Variants in ILDR1 observed in about 807,000 individuals in gnomAD.
ILDR1 encodes the protein immunoglobulin-like domain-containing receptor 1.
In ILDR1, 56 loss-of-function variants were observed where a neutral mutation model predicts 62.4. That is an observed-to-expected ratio of 0.90 (90% CI 0.72 to 1.12). The LOEUF is 1.12. Among genes scored for constraint, ILDR1 ranks in the 50% most tolerant of loss-of-function variants. ILDR1 has a pLI of 0.00. For synonymous variants in ILDR1, 284 were observed against 277.8 expected (o/e 1.02, Z -0.22); for missense variants, 736 against 710.6 (o/e 1.04, Z -0.41).
At chr3:122,035,444 CA>C in the ILDR1 span, among the ~76,000 whole-genome samples, 21 of 151,430 alleles carry the variant, frequency 1.4e-4, no homozygotes, top group African/African-American at 5.1e-4. Context: ...GCCTTTTCCC[CA>C]AAAAAAAGAC....
intron 2 of ILDR1, among the ~76,000 whole-genome samples, chr3:122,006,325 C>T (rs1481256363): frequency 6.6e-6 from 1 of 152,112 alleles, no homozygotes; most frequent in Non-Finnish European, 1.5e-5. Context: ...GTTCTAGGTT[C>T]CTTTGTTCTT....
chr3:121,990,983 C>T (rs1354318485), intron 7 of ILDR1, among the ~76,000 whole-genome samples: 4 of 152,116 alleles, frequency 2.6e-5, no homozygotes, highest in Non-Finnish European at 5.9e-5. Flanking sequence ...GGGCAGATCA[C>T]GAGGTCAAGA....
intron 3 of ILDR1, 90 bp from the exon 4 acceptor site, chr3:122,001,954 C>A: frequency 6.9e-7 from 1 of 1,442,062 alleles, no homozygotes; most frequent in Admixed American, 1.7e-5. Context: ...GGCAGCATGG[C>A]AAGACCTTGT....
At chr3:122,027,400 G>A in the ILDR1 span, among the ~76,000 whole-genome samples, 1 of 152,142 alleles carries the variant, frequency 6.6e-6, no homozygotes, top group African/African-American at 2.4e-5. Context: ...ATGTTGGCCA[G>A]GCTTGTCTTG....
At chr3:122,021,967 A>G (rs569434458) in intron 1 of ILDR1, 53 bp downstream of exon 1, 69 of 1,550,496 alleles carry the variant, frequency 4.5e-5, no homozygotes, top group African/African-American at 1.8e-4. Context: ...CCACGCCACA[A>G]TGGCTTCCTG....
intron 5 of ILDR1, among the ~76,000 whole-genome samples, chr3:121,997,836 A>G (rs1019459667): frequency 1.3e-5 from 2 of 152,182 alleles, no homozygotes; most frequent in Non-Finnish European, 2.9e-5. Context: ...AAAAATGTCT[A>G]TCTTTAAGTC....
the ILDR1 span, among the ~76,000 whole-genome samples, chr3:122,029,395 T>A: frequency 9.0e-3 from 1,367 of 151,882 alleles, 22 homozygotes; most frequent in African/African-American, 0.031. Flanking sequence ...TAATCCCAAC[T>A]ACTCAGGAGG....
the ILDR1 span, among the ~76,000 whole-genome samples, chr3:122,044,780 T>C: frequency 6.6e-6 from 1 of 152,182 alleles, no homozygotes; most frequent in Non-Finnish European, 1.5e-5. Flanking sequence ...TTATCATTTT[T>C]TATTGTGTCT....
chr3:122,039,087 G>A, the ILDR1 span, among the ~76,000 whole-genome samples: 1 of 151,052 alleles, frequency 6.6e-6, no homozygotes, highest in Admixed American at 6.6e-5. Flanking sequence ...ATAAAACACA[G>A]AACCACCAAG....
the ILDR1 span, among the ~76,000 whole-genome samples, chr3:122,049,952 G>C: frequency 6.6e-6 from 1 of 152,172 alleles, no homozygotes; most frequent in East Asian, 1.9e-4. Context: ...CAGAACCTTT[G>C]ACTTCCCAAT....
upstream of ILDR1, among the ~76,000 whole-genome samples, chr3:122,022,628 G>A (rs552822540): frequency 6.6e-6 from 1 of 152,120 alleles, no homozygotes; most frequent in African/African-American, 2.4e-5. Context: ...ATAAAGATTC[G>A]TATCTAGGCC....
the ILDR1 span, among the ~76,000 whole-genome samples, chr3:122,043,384 G>A: frequency 2.9e-5 from 4 of 140,132 alleles, no homozygotes; most frequent in African/African-American, 1.1e-4. Context: ...GCTTAGGATT[G>A]ACTTGGCGAT....
the ILDR1 span, among the ~76,000 whole-genome samples, chr3:122,043,344 T>C: frequency 6.7e-6 from 1 of 148,898 alleles, no homozygotes; most frequent in Non-Finnish European, 1.5e-5. Flanking sequence ...TGAAGTCAGG[T>C]AGTGTGATGC....
At chr3:122,040,737 G>GAAAAAAAAAAAAAA in the ILDR1 span, among the ~76,000 whole-genome samples, 1 of 124,814 alleles carries the variant, frequency 8.0e-6, no homozygotes, top group African/African-American at 2.9e-5. Context: ...AAAAAAAAAA[G>GAAAAAAAAAAAAAA]AAAAAAAAAA....
Position 121,987,343 on chromosome 3 carries a change from T to A in ILDR1, c.*1024A>T, listed in dbSNP as rs1309797176. 1.3e-5 allele frequency: 2 copies of A among 152,136 alleles called. No individual in the cohort carries two copies. Among genetic ancestry groups the A allele is most frequent in the Non-Finnish European group, 2.9e-5 (2 of 68,036 alleles). The allele number at this position is 152,136 out of a possible 1,614,324, so 9.4% of individuals were successfully genotyped here. A position where few individuals can be genotyped will look rare whatever the true frequency, so the allele number is the denominator to read the frequency against. ...CAAAGTAGGAAAGCAGATATTTATT[T>A]GGAGCAGCATGCTCAGCTTGGCATG... On this transcript the variant is annotated 3_prime_UTR_variant, in exon 8 of 8. Coordinates refer to ENST00000344209, the MANE Select transcript of ILDR1 (RefSeq NM_001199799.2).
upstream of ILDR1, among the ~76,000 whole-genome samples, chr3:122,026,560 G>A (rs1461379906): frequency 2.0e-5 from 3 of 152,132 alleles, no homozygotes; most frequent in Non-Finnish European, 4.4e-5. Flanking sequence ...GAGAGTACTG[G>A]ACCACCAAAA....
At chr3:121,988,554 T>G in intron 7 of ILDR1, 146 bp from the exon 8 acceptor site, 1 of 704,114 alleles carries the variant, frequency 1.4e-6, no homozygotes, top group Non-Finnish European at 2.6e-6. Flanking sequence ...AAGTATTTCT[T>G]TACTCTTCAT....
At chr3:122,059,069 TC>T in the ILDR1 span, among the ~76,000 whole-genome samples, 1 of 152,086 alleles carries the variant, frequency 6.6e-6, no homozygotes, top group Non-Finnish European at 1.5e-5. Flanking sequence ...GATGGTGAAT[TC>T]CTTCTCTAAC....
chr3:122,003,204 T>G (rs1309734108), intron 3 of ILDR1, among the ~76,000 whole-genome samples: 1 of 152,232 alleles, frequency 6.6e-6, no homozygotes, highest in Non-Finnish European at 1.5e-5. Flanking sequence ...GACTTGCTCC[T>G]GCTAGGTTGG....
Sources: allele counts gnomAD v4.1 joint callset (sites outside exome capture counted in the v4.1 genomes callset), GRCh38; gene constraint gnomAD v4.1.1; transcripts MANE v1.5; gene names NCBI Gene and HGNC (gene_info 2026-07-23, HGNC 2026-07-21).